The following ATP10D variants were observed in gnomAD, a reference collection of about 807,000 sequenced individuals.
ATP10D encodes phospholipid-transporting ATPase VD.
A neutral mutation model predicts 144.8 loss-of-function variants in ATP10D; 89 were observed. The ratio of observed to expected loss-of-function variants is 0.61; its 90% CI spans 0.52 to 0.73. The LOEUF is 0.73. Among genes scored for constraint, ATP10D ranks in the 30% least tolerant of loss-of-function variants. The pLI is 0.00. For missense variants in ATP10D, 1,603 were observed against 1,714.8 expected, an observed-to-expected ratio of 0.93 and a Z score of 1.15; for synonymous variants, 571 against 615.1, an observed-to-expected ratio of 0.93 and a Z score of 1.06.
chr4:47,502,023 T>C (rs1028338472), intron 1 of ATP10D, among the ~76,000 whole-genome samples: 3 of 152,212 alleles, frequency 2.0e-5, no homozygotes, highest in Admixed American at 2.0e-4. Flanking sequence ...TAAGACATAT[T>C]AGGAACTCAC....
At chr4:47,535,796 T>A (rs1372491671) in intron 6 of ATP10D, 106 bp from the exon 7 acceptor site, 6 of 1,381,158 alleles carry the variant, frequency 4.3e-6, no homozygotes, top group Middle Eastern at 1.8e-4. Flanking sequence ...AAATAGATCA[T>A]GTAACTGTGT....
intron 1 of ATP10D, among the ~76,000 whole-genome samples, chr4:47,502,471 T>C (rs1021674250): frequency 7.1e-6 from 1 of 141,448 alleles, no homozygotes; most frequent in African/African-American, 2.6e-5. Context: ...CTACGTCTCA[T>C]AAAAAAAAAA....
intron 1 of ATP10D, among the ~76,000 whole-genome samples, chr4:47,498,923 C>A (rs1715537281): frequency 6.6e-6 from 1 of 152,128 alleles, no homozygotes; most frequent in Non-Finnish European, 1.5e-5. Flanking sequence ...TGGAGTTTGC[C>A]TTCCTTAGTG....
chr4:47,528,889 G>A (rs1009064449), intron 5 of ATP10D, among the ~76,000 whole-genome samples: 2 of 152,062 alleles, frequency 1.3e-5, no homozygotes, highest in Admixed American at 6.5e-5. Context: ...GTTTTAATTG[G>A]CATTTCTCTG....
rs534774588 is a variant in ATP10D at position 47,521,941 on chromosome 4, A to T, written c.486-1071A>T. On this transcript the variant is annotated intron_variant, in intron 3 of 22. Transcript: ENST00000273859. ...AGCCTTTTAAGCTAAATATTTCTTG[A>T]AAGAGCTGATATAATTCTGTATGGC... 2.0e-4 allele frequency among the ~76,000 whole-genome samples: 31 copies of T among 152,336 alleles called. 1 individual carries two copies. The South Asian group carries it at 3.1e-3, about 15-fold the overall frequency.
At position 47,587,062 on chromosome 4, in the gene ATP10D, A is replaced by T; in HGVS notation, c.3797A>T (p.Tyr1266Phe). 1 of 1,613,892 alleles carries T rather than the reference A, an allele frequency of 6.2e-7. No homozygotes were observed. The highest frequency in any genetic ancestry group is 1.1e-5 in the South Asian group (1 of 91,072). ...LLVIIGSILS[Y>F]FLFAIVFGAM... ...GTCATCATTGGTAGCATCTTGTCTT[A>T]TTTTTTATTTGCCATAGTTTTTGGA... The change falls in exon 22 of 23, where the codon TAT (tyrosine) becomes TTT (phenylalanine). Residue 1266 changes from tyrosine to phenylalanine, a missense_variant. Transcript: ENST00000273859.
intron 2 of ATP10D, among the ~76,000 whole-genome samples, chr4:47,513,457 A>G (rs1716471337): frequency 1.3e-5 from 2 of 152,370 alleles, no homozygotes; most frequent in Middle Eastern, 3.4e-3. Context: ...AGGGCTGTCA[A>G]ATAGAATGAA....
chr4:47,490,053 T>C (rs10938487), intron 1 of ATP10D, among the ~76,000 whole-genome samples: 83,875 of 151,966 alleles, frequency 0.55, 24,293 homozygotes, highest in Non-Finnish European at 0.65. Context: ...AGAAGGAAAG[T>C]GAAAATCAAT....
rs1720547228 is a variant in ATP10D, at chr4:47,582,044, G to A, written c.3733G>A (p.Val1245Ile). ...TCTGTTCATCGTTCTCCTCCATCTG[G>A]TCATTGAAAGCAAGAGTTTGGTGAG... ...AALFIVLLHL[V>I]IESKSLTWIH... Residue 1245 changes from valine (V) to isoleucine (I), a missense_variant, in exon 21 of 23, where the codon GTC (valine) becomes ATC (isoleucine). Physicochemically the swap from Val to Ile is conservative, Grantham distance 29 (BLOSUM62 3). Coordinates refer to ENST00000273859, the MANE Select transcript of ATP10D (RefSeq NM_020453.4). 1 of 1,613,686 alleles carries A rather than the reference G, an allele frequency of 6.2e-7. No homozygotes were observed. The highest frequency in any genetic ancestry group is 1.3e-5 in the African/African-American group (1 of 74,892).
At position 47,582,020 on chromosome 4, in the gene ATP10D, C is replaced by T; in HGVS notation, c.3709C>T (p.Leu1237=). 1 of 1,614,104 alleles carries T rather than the reference C, an allele frequency of 6.2e-7. No individual in the cohort carries two copies. The highest frequency in any genetic ancestry group is 8.5e-7 in the Non-Finnish European group (1 of 1,179,988). ...AFGNPLNTAA[L]FIVLLHLVIE... ...TGGAAACCCCCTGAACACAGCCGCT[C>T]TGTTCATCGTTCTCCTCCATCTGGT... The change falls in exon 21 of 23, where the codon CTG becomes TTG. Residue 1237 remains leucine, a synonymous_variant. Coordinates refer to ENST00000273859, the MANE Select transcript of ATP10D (RefSeq NM_020453.4).
At chr4:47,491,256 TG>T (rs1715063298) in intron 1 of ATP10D, 2 of 819,488 alleles carry the variant, frequency 2.4e-6, no homozygotes, top group Admixed American at 3.4e-5. Context: ...AACAGCACGC[TG>T]GGGAACTTTG....
chr4:47,536,182 G>T (rs1577658444), intron 7 of ATP10D, 149 bp downstream of exon 7: 1 of 1,112,144 alleles, frequency 9.0e-7, no homozygotes, highest in East Asian at 2.5e-5. Context: ...TCATCCTTTA[G>T]CCTGAAAAAT....
intron 16 of ATP10D, among the ~76,000 whole-genome samples, chr4:47,569,538 G>A (rs766897470): frequency 2.0e-5 from 3 of 152,074 alleles, no homozygotes; most frequent in South Asian, 2.1e-4. Context: ...TTTATCAAGT[G>A]CCTTTTTTGT....
intron 5 of ATP10D, among the ~76,000 whole-genome samples, chr4:47,529,871 G>A (rs1269503219): frequency 2.6e-5 from 4 of 151,954 alleles, no homozygotes; most frequent in Admixed American, 6.6e-5. Context: ...TTGGTTAAAC[G>A]TATTTCTAAG....
chr4:47,590,992 G>A (rs779105221), intron 22 of ATP10D, 50 bp from the exon 23 acceptor site: 23 of 1,095,136 alleles, frequency 2.1e-5, no homozygotes, highest in Middle Eastern at 3.1e-4. Flanking sequence ...GGGGGGTTCT[G>A]TAATGCATTT....
intron 9 of ATP10D, 86 bp downstream of exon 9, chr4:47,537,024 C>A: frequency 6.9e-7 from 1 of 1,454,006 alleles, no homozygotes; most frequent in Non-Finnish European, 9.2e-7. Context: ...ACAATTCTGA[C>A]ATAGAAGTGG....
chr4:47,557,556 T>C, intron 11 of ATP10D, 108 bp from the exon 12 acceptor site: 1 of 1,161,284 alleles, frequency 8.6e-7, no homozygotes, highest in East Asian at 2.4e-5. Flanking sequence ...GCTAGCCATT[T>C]AAGTGAGTGG....
In ATP10D at chr4:47,559,908, G is replaced by A. The variant is rs1165827057; in HGVS notation, c.2541+879G>A. Among the ~76,000 whole-genome samples, 2 of 152,174 alleles carry A rather than the reference G, an allele frequency of 1.3e-5. 1 individual carries two copies. The highest frequency in any genetic ancestry group is 3.8e-4 in the East Asian group (2 of 5,196). ...CCAGCTACTCAGGAGGCTGAGACAG[G>A]AGAATTGCTTGAACCTGGGAGGCAG... is the stretch of plus-strand genomic sequence containing the variant. On this transcript the variant is annotated intron_variant, in intron 13 of 22. Coordinates refer to ENST00000273859, the MANE Select transcript of ATP10D (RefSeq NM_020453.4).
At chr4:47,509,760 G>A (rs1716213277) in intron 1 of ATP10D, among the ~76,000 whole-genome samples, 1 of 152,128 alleles carries the variant, frequency 6.6e-6, no homozygotes, top group Admixed American at 6.5e-5. Context: ...TATAATTTCA[G>A]CTTTGTGTGA....
Sources: allele counts gnomAD v4.1 joint callset (sites outside exome capture counted in the v4.1 genomes callset), GRCh38; gene constraint gnomAD v4.1.1; transcripts MANE v1.5; gene names NCBI Gene and HGNC (gene_info 2026-07-23, HGNC 2026-07-21).